BRAF: variants seen among roughly 807,000 people sequenced by gnomAD.
BRAF encodes the protein B-Raf proto-oncogene, serine/threonine kinase, also known as serine/threonine-protein kinase B-raf.
Under a neutral mutation model 104.6 loss-of-function variants are expected in BRAF, and 16 were observed. The observed-to-expected ratio is 0.15, with a 90% CI of 0.10 to 0.23. BRAF has a LOEUF of 0.23. Ranked by LOEUF, BRAF falls within the 10% of genes least tolerant of loss-of-function variation. BRAF has a pLI of 1.00. For missense variants in BRAF, 541 were observed against 937.3 expected (o/e 0.58, Z 5.52); for synonymous variants, 310 against 341.6 (o/e 0.91, Z 1.02).
chr7:140,807,542 A>G (rs1361868367), intron 5 of BRAF, among the ~76,000 whole-genome samples: 1 of 151,464 alleles, frequency 6.6e-6, no homozygotes, highest in Non-Finnish European at 1.5e-5. Context: ...AAAAGAAAAG[A>G]AAGTAATGAA....
chr7:140,849,406 GA>G (rs1808910687), intron 2 of BRAF, among the ~76,000 whole-genome samples: 1 of 151,526 alleles, frequency 6.6e-6, no homozygotes, highest in African/African-American at 2.4e-5. Context: ...TAAGGAAGCA[GA>G]AACCAATTTT....
At chr7:140,881,015 C>T (rs2129103497) in intron 1 of BRAF, among the ~76,000 whole-genome samples, 1 of 152,220 alleles carries the variant, frequency 6.6e-6, no homozygotes, top group East Asian at 1.9e-4. Context: ...CTTCCTTGTA[C>T]ATCATCAGAG....
At chr7:140,846,512 AC>A (rs1808558384) in intron 2 of BRAF, among the ~76,000 whole-genome samples, 1 of 152,224 alleles carries the variant, frequency 6.6e-6, no homozygotes, top group East Asian at 1.9e-4. Flanking sequence ...GTTGCTACGA[AC>A]TAGAGAAAGA....
chr7:140,793,616 A>T (rs928372212), intron 8 of BRAF, among the ~76,000 whole-genome samples: 4 of 152,182 alleles, frequency 2.6e-5, no homozygotes, highest in African/African-American at 4.8e-5. Context: ...CAAGCTTATG[A>T]TAGCACAAAT....
intron 1 of BRAF, among the ~76,000 whole-genome samples, chr7:140,921,901 T>G (rs1289666639): frequency 1.3e-5 from 2 of 152,074 alleles, no homozygotes; most frequent in African/African-American, 4.8e-5. Flanking sequence ...TCCATGTAAT[T>G]TGCAGTAAAA....
chr7:140,724,984 C>T lies in BRAF; in HGVS notation c.*1510G>A. 1 of 1,044,506 alleles carries T rather than the reference C, an allele frequency of 9.6e-7. No homozygotes were observed. The highest frequency in any genetic ancestry group is 4.6e-5 in the South Asian group (1 of 21,816). The allele number at this position is 1,044,506 out of a possible 1,614,324, so 64.7% of individuals were successfully genotyped here. ...ATAAGATTTAGGTTCTTAATGAATG[C>T]CAGTTCTTTCTATAAAAACAACTGA... is the stretch of plus-strand genomic sequence containing the variant. On this transcript the variant is annotated 3_prime_UTR_variant, in exon 20 of 20. Transcript: ENST00000644969.
At chr7:140,747,438 G>A in intron 17 of BRAF, 1 of 1,288,360 alleles carries the variant, frequency 7.8e-7, no homozygotes, top group Non-Finnish European at 1.0e-6. Context: ...TCCCATGGAG[G>A]ACAAAGCACC....
chr7:140,923,312 A>G (rs1229527896), intron 1 of BRAF, among the ~76,000 whole-genome samples: 1 of 152,234 alleles, frequency 6.6e-6, no homozygotes, highest in Non-Finnish European at 1.5e-5. Flanking sequence ...TACCTAATCA[A>G]TAACTGTAAA....
intron 1 of BRAF, among the ~76,000 whole-genome samples, chr7:140,891,607 G>C (rs1814226411): frequency 6.6e-6 from 1 of 152,130 alleles, no homozygotes; most frequent in Non-Finnish European, 1.5e-5. Flanking sequence ...GTGGCATTTT[G>C]GGTGGGGCAA....
intron 4 of BRAF, 90 bp downstream of exon 4, chr7:140,808,802 C>T (rs1287574741): frequency 1.9e-6 from 2 of 1,050,318 alleles, no homozygotes; most frequent in Non-Finnish European, 2.9e-6. Context: ...TTTCAATTCC[C>T]TAGGTTTTGG....
At chr7:140,749,673 A>C (rs1412087424) in intron 16 of BRAF, among the ~76,000 whole-genome samples, 1 of 152,192 alleles carries the variant, frequency 6.6e-6, no homozygotes, top group Non-Finnish European at 1.5e-5. Flanking sequence ...TATTTAGGCA[A>C]TCTTTCTGCA....
chr7:140,781,464 G>A (rs1470672370), intron 12 of BRAF, 112 bp downstream of exon 11: 1 of 1,091,574 alleles, frequency 9.2e-7, no homozygotes, highest in East Asian at 2.4e-5. Flanking sequence ...AATCAAAATA[G>A]TTTATTGATG....
At chr7:140,791,808 C>T (rs1801997106) in intron 8 of BRAF, among the ~76,000 whole-genome samples, 1 of 152,180 alleles carries the variant, frequency 6.6e-6, no homozygotes, top group Non-Finnish European at 1.5e-5. Context: ...AGCCAGAAAC[C>T]TGGCATTATC....
chr7:140,750,218 G>A (rs752119354), intron 16 of BRAF, among the ~76,000 whole-genome samples: 9 of 152,076 alleles, frequency 5.9e-5, no homozygotes, highest in Admixed American at 1.3e-4. Context: ...GGAAGGAATC[G>A]AAATGGCAGT....
At chr7:140,893,257 T>TC (rs1361245106) in intron 1 of BRAF, among the ~76,000 whole-genome samples, 2 of 151,892 alleles carry the variant, frequency 1.3e-5, no homozygotes, top group East Asian at 3.9e-4. Context: ...ACATTCTTTT[T>TC]TTTTTTTTTT....
intron 1 of BRAF, among the ~76,000 whole-genome samples, chr7:140,899,256 A>T (rs957464924): frequency 6.9e-6 from 1 of 145,590 alleles, no homozygotes; most frequent in South Asian, 2.2e-4. Context: ...AATGCAAAGC[A>T]AACTATCAGG....
chr7:140,725,596 A>G lies in BRAF; in HGVS notation c.*898T>C. 4.7e-6 allele frequency: 5 copies of G among 1,058,072 alleles called. No individual in the cohort carries two copies. Among genetic ancestry groups the G allele is most frequent in the Non-Finnish European group, 5.7e-6 (5 of 874,804 alleles). 65.5% of individuals were successfully genotyped at this position (1,058,072 alleles called of 1,614,324 possible). A position where few individuals can be genotyped will look rare whatever the true frequency, so the allele number is the denominator to read the frequency against. ...GGGTTTAGTTAGATACTGCCACGGCATTTTGTGCCCTGGACAAAGTAGCCG... is the reference window on the plus strand; with the variant it reads ...GGGTTTAGTTAGATACTGCCACGGCGTTTTGTGCCCTGGACAAAGTAGCCG... On this transcript the variant is annotated 3_prime_UTR_variant, in exon 20 of 20. Coordinates refer to ENST00000644969, the MANE Select transcript of BRAF (RefSeq NM_001374258.1).
Position 140,741,911 on chromosome 7 carries a change from C to T in BRAF, c.2113-1965G>A, listed in dbSNP as rs186626008. On this transcript the variant is annotated intron_variant, in intron 17 of 19. Transcript: ENST00000644969. ...GGCAGAGGTTGCAGTGAGCCAAGAT[C>T]ATGCCACACTATACTCCAGACTGGC... Among the ~76,000 whole-genome samples the T allele has an allele frequency of 1.1e-3, 173 of 151,776 alleles. 2 individuals are homozygous for T. The highest frequency in any genetic ancestry group is 3.1e-3 in the East Asian group (16 of 5,120).
At chr7:140,753,226 A>C in intron 16 of BRAF, 49 bp downstream of exon 15, 3 of 1,289,330 alleles carry the variant, frequency 2.3e-6, no homozygotes, top group Non-Finnish European at 3.4e-6. Flanking sequence ...ACTCAGCAGC[A>C]TCTCAGGGCC....
Sources: allele counts gnomAD v4.1 joint callset (sites outside exome capture counted in the v4.1 genomes callset), GRCh38; gene constraint gnomAD v4.1.1; transcripts MANE v1.5; gene names NCBI Gene and HGNC (gene_info 2026-07-23, HGNC 2026-07-21).